The following DOCK8 variants were observed in gnomAD, a reference collection of about 807,000 sequenced individuals.
DOCK8 encodes the protein dedicator of cytokinesis 8, also known as dedicator of cytokinesis protein 8.
DOCK8 carries 141 observed loss-of-function variants against 245.6 expected under a neutral mutation model. The observed-to-expected ratio is 0.57, with a 90% CI of 0.50 to 0.66. The LOEUF is 0.66. Ranked by LOEUF, DOCK8 falls within the 30% of genes least tolerant of loss-of-function variation. The pLI is 0.00. For synonymous variants in DOCK8, 1,168 were observed against 970.2 expected (o/e 1.20, Z -3.79); for missense variants, 2,965 against 2,603.4 (o/e 1.14, Z -3.02).
intron 23 of DOCK8, among the ~76,000 whole-genome samples, chr9:387,209 C>G (rs557460308): frequency 4.6e-5 from 7 of 152,200 alleles, no homozygotes; most frequent in Middle Eastern, 3.4e-3. Context: ...TTTCGGAGGC[C>G]GAGGTGGGTG....
At chr9:221,148 G>A (rs2046874024) in intron 1 of DOCK8, among the ~76,000 whole-genome samples, 1 of 152,150 alleles carries the variant, frequency 6.6e-6, no homozygotes, top group African/African-American at 2.4e-5. Flanking sequence ...AGCATTTCTG[G>A]TGAAACTAAG....
Position 446,360 on chromosome 9 carries a change from T to C in DOCK8, c.5581-10T>C, listed in dbSNP as rs768120785. 3 of 1,611,578 alleles carry C rather than the reference T, an allele frequency of 1.9e-6. No individual in the cohort carries two copies. The highest frequency in any genetic ancestry group is 2.5e-6 in the Non-Finnish European group (3 of 1,177,844). ...GCTCATCTTCTCCCTCCGTGCCTTT[T>C]CCCCCTTAGGCCTACATACAGATCA... is the stretch of plus-strand genomic sequence containing the variant. On this transcript the variant is annotated splice_polypyrimidine_tract_variant and intron_variant, in intron 43 of 47. Transcript: ENST00000432829.
At chr9:406,672 G>A (rs1299032153) in intron 27 of DOCK8, among the ~76,000 whole-genome samples, 11 of 151,884 alleles carry the variant, frequency 7.2e-5, no homozygotes, top group East Asian at 1.9e-4. Flanking sequence ...GAAAGGGAGC[G>A]TCATTCATTT....
chr9:338,114 A>G (rs1236749180), intron 12 of DOCK8, among the ~76,000 whole-genome samples: 1 of 151,672 alleles, frequency 6.6e-6, no homozygotes, highest in Non-Finnish European at 1.5e-5. Flanking sequence ...AGATTGCCCC[A>G]CTGCACTCCA....
chr9:449,588 G>C (rs990878970), intron 44 of DOCK8, among the ~76,000 whole-genome samples, 196 bp from the exon 45 acceptor site: 1 of 152,192 alleles, frequency 6.6e-6, no homozygotes, highest in Admixed American at 6.5e-5. Context: ...TGTATGTAAA[G>C]TTCCTGGAAC....
chr9:442,255 T>C (rs765457138), intron 42 of DOCK8, among the ~76,000 whole-genome samples: 2 of 152,248 alleles, frequency 1.3e-5, no homozygotes, highest in Non-Finnish European at 2.9e-5. Flanking sequence ...GAATTTTATA[T>C]GGTGAATATT....
At chr9:307,343 T>TG (rs2049887847) in intron 5 of DOCK8, among the ~76,000 whole-genome samples, 1 of 5,722 alleles carries the variant, frequency 1.7e-4, no homozygotes, top group Non-Finnish European at 3.6e-4. Context: ...TTTTTGTTTT[T>TG]TTTTTTTTTT....
intron 3 of DOCK8, 53 bp from the exon 4 acceptor site, chr9:289,456 GT>G: frequency 7.0e-7 from 1 of 1,418,968 alleles, no homozygotes; most frequent in Non-Finnish European, 9.9e-7. Flanking sequence ...ATTAGGGGTT[GT>G]TTTGTTGTTT....
intron 1 of DOCK8, among the ~76,000 whole-genome samples, chr9:228,411 A>G (rs1303006677): frequency 6.6e-6 from 1 of 152,170 alleles, no homozygotes; most frequent in Non-Finnish European, 1.5e-5. Flanking sequence ...AACTCTGATG[A>G]CACTGACATA....
intron 1 of DOCK8, among the ~76,000 whole-genome samples, chr9:216,791 G>C (rs2131320129): frequency 6.6e-6 from 1 of 152,270 alleles, no homozygotes. Flanking sequence ...GGGTTGGGCA[G>C]GGTTGATCTG....
chr9:296,699 T>C, intron 4 of DOCK8, among the ~76,000 whole-genome samples: 1 of 152,234 alleles, frequency 6.6e-6, no homozygotes, highest in Non-Finnish European at 1.5e-5. Flanking sequence ...GACATGCATT[T>C]GTTGTGCTAG....
intron 2 of DOCK8, among the ~76,000 whole-genome samples, chr9:278,791 A>G (rs1454169960): frequency 6.6e-6 from 1 of 152,244 alleles, no homozygotes; most frequent in Non-Finnish European, 1.5e-5. Flanking sequence ...CAGAGTGGGC[A>G]GTAGGAAATG....
chr9:313,570 A>G (rs977489931), intron 6 of DOCK8, among the ~76,000 whole-genome samples: 19 of 152,202 alleles, frequency 1.2e-4, no homozygotes, highest in African/African-American at 3.9e-4. Context: ...AGTGGATCTC[A>G]TAGAAACAGA....
chr9:317,887 C>T (rs1452337036), intron 7 of DOCK8, among the ~76,000 whole-genome samples: 2 of 152,108 alleles, frequency 1.3e-5, no homozygotes, highest in Non-Finnish European at 2.9e-5. Flanking sequence ...AACACGACTA[C>T]AGTCTGGTTT....
At chr9:378,156 AC>A (rs2053593585) in intron 20 of DOCK8, among the ~76,000 whole-genome samples, 1 of 152,222 alleles carries the variant, frequency 6.6e-6, no homozygotes, top group Non-Finnish European at 1.5e-5. Context: ...TCAAAGGGAC[AC>A]AGCTAAATTT....
At chr9:371,936 C>T (rs1008977000) in intron 17 of DOCK8, among the ~76,000 whole-genome samples, 1 of 152,098 alleles carries the variant, frequency 6.6e-6, no homozygotes, top group Non-Finnish European at 1.5e-5. Context: ...TGTTCAGACA[C>T]ACACAAACAT....
At chr9:258,937 A>C (rs898634314) in intron 1 of DOCK8, among the ~76,000 whole-genome samples, 29 of 152,156 alleles carry the variant, frequency 1.9e-4, no homozygotes, top group African/African-American at 6.7e-4. Context: ...TAGTTTAAAA[A>C]GCTGTATGTG....
At chr9:400,252 A>T (rs1247576017) in intron 26 of DOCK8, among the ~76,000 whole-genome samples, 4 of 97,504 alleles carry the variant, frequency 4.1e-5, no homozygotes, top group African/African-American at 1.3e-4. Flanking sequence ...CACCTCCACC[A>T]TCACCACCAC....
At chr9:269,597 C>A (rs2129908543) in intron 1 of DOCK8, among the ~76,000 whole-genome samples, 1 of 149,238 alleles carries the variant, frequency 6.7e-6, no homozygotes, top group Admixed American at 6.6e-5. Context: ...GCTCCGTCAC[C>A]CAGGCTGGAG....
Sources: gnomAD v4.1 joint callset for allele counts (sites outside exome capture counted in the v4.1 genomes callset) on GRCh38, gnomAD v4.1.1 for gene constraint, MANE v1.5 for transcripts, NCBI Gene and HGNC (gene_info 2026-07-23, HGNC 2026-07-21) for gene names.